PAQR8: variants seen among roughly 807,000 people sequenced by gnomAD.
PAQR8 encodes the protein membrane progestin receptor beta.
In PAQR8, 17 loss-of-function variants were observed where a neutral mutation model predicts 25.2. The observed-to-expected ratio is 0.67, with a 90% CI of 0.46 to 1.01. The LOEUF is 1.01. PAQR8 is among the 50% of genes least tolerant of loss of function. The pLI is 0.00. For missense variants in PAQR8, 392 were observed against 448.4 expected (o/e 0.87, Z 1.14); for synonymous variants, 204 against 190.6 (o/e 1.07, Z -0.58).
At chr6:52,385,959 A>G (rs895470163) in intron 1 of PAQR8, among the ~76,000 whole-genome samples, 5 of 152,214 alleles carry the variant, frequency 3.3e-5, no homozygotes, top group African/African-American at 1.2e-4. Context: ...TACATTATGC[A>G]GGGGTCTAAT....
chr6:52,378,894 C>T (rs762309475), intron 1 of PAQR8, among the ~76,000 whole-genome samples: 1 of 151,660 alleles, frequency 6.6e-6, no homozygotes, highest in Admixed American at 6.6e-5. Flanking sequence ...GTCAGGAGTT[C>T]GAGACCAGCC....
At chr6:52,378,597 C>G (rs1204477807) in intron 1 of PAQR8, among the ~76,000 whole-genome samples, 1 of 151,448 alleles carries the variant, frequency 6.6e-6, no homozygotes, top group Non-Finnish European at 1.5e-5. Context: ...TCAAGACCAG[C>G]CTGACCAACA....
intron 1 of PAQR8, among the ~76,000 whole-genome samples, chr6:52,396,228 C>G (rs114155348): frequency 0.011 from 1,696 of 152,144 alleles, 26 homozygotes; most frequent in African/African-American, 0.033. Flanking sequence ...TGGAGAGAGC[C>G]CTAAGCCAGT....
At chr6:52,385,439 C>G (rs1467240759) in intron 1 of PAQR8, among the ~76,000 whole-genome samples, 1 of 152,192 alleles carries the variant, frequency 6.6e-6, no homozygotes, top group Non-Finnish European at 1.5e-5. Context: ...AGACCTCAAA[C>G]TATAAACATC....
intron 1 of PAQR8, among the ~76,000 whole-genome samples, chr6:52,398,499 T>C (rs9370117): frequency 0.28 from 42,783 of 151,690 alleles, 6,738 homozygotes; most frequent in African/African-American, 0.41. Context: ...TGAGCCACCA[T>C]GCGTGACCTT....
intron 1 of PAQR8, among the ~76,000 whole-genome samples, chr6:52,387,566 C>T (rs1283927886): frequency 1.3e-5 from 2 of 152,356 alleles, no homozygotes; most frequent in African/African-American, 2.4e-5. Flanking sequence ...TAAAGGAAGA[C>T]ACATGTATAG....
intron 1 of PAQR8, among the ~76,000 whole-genome samples, chr6:52,377,826 C>T (rs533715608): frequency 6.6e-6 from 1 of 151,266 alleles, no homozygotes; most frequent in Non-Finnish European, 1.5e-5. Flanking sequence ...ATCTTCTTCG[C>T]ATTGGTATCT....
intron 1 of PAQR8, among the ~76,000 whole-genome samples, chr6:52,377,113 G>A (rs1025496112): frequency 3.3e-5 from 5 of 152,066 alleles, no homozygotes; most frequent in Admixed American, 6.6e-5. Context: ...AAAATGCATC[G>A]TATTTTAATG....
chr6:52,376,202 A>G (rs1347806807), intron 1 of PAQR8, among the ~76,000 whole-genome samples: 2 of 152,238 alleles, frequency 1.3e-5, no homozygotes, highest in Non-Finnish European at 1.5e-5. Context: ...TTAAGTGTTC[A>G]TGACCATATT....
chr6:52,379,619 CTTTTTTTTTTTT>C (rs909812638), intron 1 of PAQR8, among the ~76,000 whole-genome samples: 76 of 77,252 alleles, frequency 9.8e-4, no homozygotes, highest in African/African-American at 3.8e-3. Context: ...ACCCAGCTTT[CTTTTTTTTTTTT>C]TTTTTTTTTT....
chr6:52,363,531 C>CT (rs1236837126), intron 1 of PAQR8, among the ~76,000 whole-genome samples: 3 of 152,162 alleles, frequency 2.0e-5, no homozygotes, highest in African/African-American at 7.2e-5. Context: ...TTCCAGTACT[C>CT]TGAGAAGCTG....
Position 52,403,704 on chromosome 6 carries a change from T to C in PAQR8, c.491T>C (p.Phe164Ser). The C allele has an allele frequency of 6.2e-7, 1 of 1,614,250 alleles. No homozygotes were observed. The highest frequency in any genetic ancestry group is 8.5e-7 in the Non-Finnish European group (1 of 1,180,044). ...YQYGSALAHF[F>S]YSSDQAWYDR... is the part of the protein sequence containing the mutation. Reference sequence around the variant, plus strand: ...TATGGCAGTGCTTTGGCTCATTTCTTCTACAGCTCTGACCAGGCCTGGTAT... The same window carrying C: ...TATGGCAGTGCTTTGGCTCATTTCTCCTACAGCTCTGACCAGGCCTGGTAT... Residue 164 changes from phenylalanine to serine, a missense_variant, in exon 2 of 2, where the codon TTC becomes TCC. By Grantham distance (155) the Phe-to-Ser change is radical (BLOSUM62 -2). Coordinates refer to ENST00000442253, the MANE Select transcript of PAQR8 (RefSeq NM_133367.5).
chr6:52,395,104 T>C (rs1474480920), intron 1 of PAQR8, among the ~76,000 whole-genome samples: 2 of 151,946 alleles, frequency 1.3e-5, no homozygotes, highest in African/African-American at 4.8e-5. Context: ...CTGTCTCTAC[T>C]AAAAATTCAA....
chr6:52,404,461 A>C lies in PAQR8; in HGVS notation c.*183A>C. The C allele has an allele frequency of 1.6e-6, 1 of 610,430 alleles. No individual in the cohort carries two copies. Among genetic ancestry groups the C allele is most frequent in the Non-Finnish European group, 2.8e-6 (1 of 353,856 alleles). The allele number at this position is 610,430 out of a possible 1,614,324, so 37.8% of individuals were successfully genotyped here. ...TTTTGTTGTTGTTAATAAAAGGAAT[A>C]CTCCTTTTCCTTTTGGATCATAGCT... On this transcript the variant is annotated 3_prime_UTR_variant, in exon 2 of 2. Transcript: ENST00000442253.
At position 52,386,709 on chromosome 6, in the gene PAQR8, G is replaced by C. The variant is rs1384032059; in HGVS notation, c.-52-16453G>C. ...CCGGGGCAAGGTTGAAAAACTACCT[G>C]TTGGGTACTATGCTCACTACCTGGA... On this transcript the variant is annotated intron_variant, in intron 1 of 1. Coordinates refer to ENST00000442253, the MANE Select transcript of PAQR8 (RefSeq NM_133367.5). Among the ~76,000 whole-genome samples, 4 of 152,178 alleles carry C rather than the reference G, an allele frequency of 2.6e-5. No individual in the cohort carries two copies. In the East Asian group the frequency reaches 7.7e-4, roughly 29 times the overall value.
In PAQR8 at chr6:52,379,096, CAAA is replaced by C. The variant is rs70977347; in HGVS notation, c.-53+16867_-53+16869del. 3.7e-3 allele frequency among the ~76,000 whole-genome samples: 346 copies of C among 92,978 alleles called. 3 individuals carry two copies. Among genetic ancestry groups the C allele is most frequent in the African/African-American group, 0.012 (297 of 25,406 alleles). The allele number at this position is 92,978 out of a possible 152,430, so 61.0% of individuals were successfully genotyped here. ...TGAGTGACAAAGCAATACTCTTTAT[CAAA>C]AAAAAAAAAAAAAAAAAAAGGAAAT... is the stretch of plus-strand genomic sequence containing the variant. On this transcript the variant is annotated intron_variant, in intron 1 of 1. Coordinates refer to ENST00000442253, the MANE Select transcript of PAQR8 (RefSeq NM_133367.5).
In PAQR8 at chr6:52,388,420, C is replaced by G. The variant is rs547309773; in HGVS notation, c.-52-14742C>G. Among the ~76,000 whole-genome samples the G allele has an allele frequency of 7.0e-4, 106 of 151,716 alleles. 1 individual carries two copies. The highest frequency in any genetic ancestry group is 1.5e-4 in the Non-Finnish European group (10 of 67,950). ...AATAAATGTAATGGGTTTGAATCATCATGAAACCATACTCCTCAACCCCCA... is the reference window on the plus strand; with the variant it reads ...AATAAATGTAATGGGTTTGAATCATGATGAAACCATACTCCTCAACCCCCA... On this transcript the variant is annotated intron_variant, in intron 1 of 1. Coordinates refer to ENST00000442253, the MANE Select transcript of PAQR8 (RefSeq NM_133367.5).
At chr6:52,389,709 A>C (rs186946202) in intron 1 of PAQR8, among the ~76,000 whole-genome samples, 1 of 152,316 alleles carries the variant, frequency 6.6e-6, no homozygotes, top group Non-Finnish European at 1.5e-5. Flanking sequence ...GTTAATGTTT[A>C]ATTGCTAGGG....
At chr6:52,385,480 G>A (rs866013864) in intron 1 of PAQR8, among the ~76,000 whole-genome samples, 4 of 152,166 alleles carry the variant, frequency 2.6e-5, no homozygotes, top group Admixed American at 2.0e-4. Flanking sequence ...TACCCTTCTC[G>A]ACATAGGCCT....
Sources: allele counts gnomAD v4.1 joint callset (sites outside exome capture counted in the v4.1 genomes callset), GRCh38; gene constraint gnomAD v4.1.1; transcripts MANE v1.5; gene names NCBI Gene and HGNC (gene_info 2026-07-23, HGNC 2026-07-21).